Variants in JTB observed in about 807,000 individuals in gnomAD.
JTB encodes protein JTB.
In JTB, 10 loss-of-function variants were observed where a neutral mutation model predicts 22.1. The observed-to-expected ratio is 0.45, with a 90% CI of 0.28 to 0.77. JTB has a LOEUF of 0.77. Among genes scored for constraint, JTB ranks in the 30% least tolerant of loss-of-function variants. The pLI, the probability that JTB is intolerant of heterozygous loss-of-function variation, is 0.13. For synonymous variants in JTB, 83 were observed against 66.8 expected (o/e 1.24, Z -1.18); for missense variants, 137 against 180.3 (o/e 0.76, Z 1.38).
chr1:153,976,360 C>T (rs1477292618), intron 3 of JTB, among the ~76,000 whole-genome samples: 1 of 152,140 alleles, frequency 6.6e-6, no homozygotes, highest in Non-Finnish European at 1.5e-5. Context: ...ACTCAGGAGG[C>T]TGAGGCAGGA....
rs1201187713 is a variant in JTB at position 153,974,391 on chromosome 1, A to C, written c.*288T>G. On this transcript the variant is annotated 3_prime_UTR_variant, in exon 5 of 5. Transcript: ENST00000271843. Reference sequence around the variant, plus strand: ...CCCAGAAGTTTGAAATAAGTAGTAGAAGAGGGGGAAAACAAGGGAGAAGTG... The same window carrying C: ...CCCAGAAGTTTGAAATAAGTAGTAGCAGAGGGGGAAAACAAGGGAGAAGTG... 1 of 419,666 alleles carries C rather than the reference A, an allele frequency of 2.4e-6. No individual in the cohort carries two copies. Among genetic ancestry groups the C allele is most frequent in the African/African-American group, 2.0e-5 (1 of 51,136 alleles). 26.0% of individuals were successfully genotyped at this position (419,666 alleles called of 1,614,324 possible).
At chr1:153,975,616 C>T (rs1303800958) in intron 4 of JTB, among the ~76,000 whole-genome samples, 1 of 152,046 alleles carries the variant, frequency 6.6e-6, no homozygotes, top group South Asian at 2.1e-4. Flanking sequence ...GATGGGGTTT[C>T]ACCACGTTGG....
chr1:153,977,418 T>G lies in JTB; in HGVS notation c.-166A>C. On this transcript the variant is annotated 5_prime_UTR_variant, in exon 1 of 5. Transcript: ENST00000271843. ...TTGGAGCAGAGGATCTATCAGGACG[T>G]CCCCGTTGCCACAGCGAGAAAAATC... is the stretch of plus-strand genomic sequence containing the variant. 7.2e-7 allele frequency: 1 copy of G among 1,381,460 alleles called. No individual in the cohort carries two copies. The highest frequency in any genetic ancestry group is 1.5e-5 in the African/African-American group (1 of 68,214). 85.6% of individuals were successfully genotyped at this position (1,381,460 alleles called of 1,614,324 possible). A position where few individuals can be genotyped will look rare whatever the true frequency, so the allele number is the denominator to read the frequency against.
rs1571123708 is a variant in JTB, at chr1:153,977,094, T to A, written c.83+76A>T. The A allele has an allele frequency of 2.0e-5, 32 of 1,613,690 alleles. No homozygotes were observed. The East Asian group carries it at 6.9e-4, about 35-fold the overall frequency. On this transcript the variant is annotated intron_variant, in intron 1 of 4. Transcript: ENST00000271843. Reference sequence around the variant, plus strand: ...CCTCCTGCGCTGTCCATGGATAAGATCTCCCCCAGCCCCGAGGCCGGGAAC... The same window carrying A: ...CCTCCTGCGCTGTCCATGGATAAGAACTCCCCCAGCCCCGAGGCCGGGAAC...
intron 3 of JTB, 28 bp downstream of exon 3, chr1:153,976,665 A>T (rs1648804680): frequency 6.3e-7 from 1 of 1,575,608 alleles, no homozygotes; most frequent in Non-Finnish European, 8.6e-7. Flanking sequence ...TGTTTAAAAA[A>T]AAAAAGGGTA....
chr1:153,975,920 G>A lies in JTB; in HGVS notation c.205-15C>T. 6.3e-7 allele frequency: 1 copy of A among 1,597,618 alleles called. No individual in the cohort carries two copies. Among genetic ancestry groups the A allele is most frequent in the Non-Finnish European group, 8.6e-7 (1 of 1,165,012 alleles). ...GGGGTAGTTTTCTGCCAGGAGAAAA[G>A]GAGCAAAGTACATGTTAGGAAGGGG... On this transcript the variant is annotated splice_polypyrimidine_tract_variant and intron_variant, in intron 3 of 4. Transcript: ENST00000271843.
intron 4 of JTB, among the ~76,000 whole-genome samples, chr1:153,975,453 C>T (rs1268498571): frequency 7.1e-6 from 1 of 140,938 alleles, no homozygotes; most frequent in Non-Finnish European, 1.5e-5. Flanking sequence ...CACACAGTCT[C>T]GCTCCATTGC....
intron 1 of JTB, 54 bp downstream of exon 1, chr1:153,977,116 G>T: frequency 6.2e-7 from 1 of 1,613,812 alleles, no homozygotes; most frequent in Non-Finnish European, 8.5e-7. Context: ...CCGAGGCCGG[G>T]AACGATCCTG....
chr1:153,977,606 G>C lies in JTB; in HGVS notation c.-354C>G, dbSNP rs1218445442. On this transcript the variant is annotated 5_prime_UTR_variant, in exon 1 of 5. Transcript: ENST00000271843. ...GGAGGATCCTCGGGCGCGGGACCGA[G>C]CTCGGGGCCCGGTGTTCCCGGGGGC... The C allele has an allele frequency of 2.9e-6, 3 of 1,026,228 alleles. No homozygotes were observed. Among genetic ancestry groups the C allele is most frequent in the Admixed American group, 5.7e-5 (1 of 17,424 alleles). The allele number at this position is 1,026,228 out of a possible 1,614,324, so 63.6% of individuals were successfully genotyped here.
intron 3 of JTB, among the ~76,000 whole-genome samples, chr1:153,976,171 T>C (rs1264287087): frequency 2.0e-5 from 3 of 152,074 alleles, no homozygotes; most frequent in Non-Finnish European, 2.9e-5. Flanking sequence ...GAATAAAACA[T>C]AGTTATTTGA....
chr1:153,977,088 A>G lies in JTB; in HGVS notation c.84-75T>C, dbSNP rs1021873088. The G allele has an allele frequency of 6.2e-6, 10 of 1,613,956 alleles. No homozygotes were observed. In the African/African-American group the frequency reaches 1.1e-4, roughly 17 times the overall value. On this transcript the variant is annotated intron_variant, in intron 1 of 4. Coordinates refer to ENST00000271843, the MANE Select transcript of JTB (RefSeq NM_006694.4). Reference sequence around the variant, plus strand: ...GCACCCCCTCCTGCGCTGTCCATGGATAAGATCTCCCCCAGCCCCGAGGCC... The same window carrying G: ...GCACCCCCTCCTGCGCTGTCCATGGGTAAGATCTCCCCCAGCCCCGAGGCC...
chr1:153,976,911 A>G (rs1557889390), intron 2 of JTB, 65 bp downstream of exon 2: 1 of 1,585,410 alleles, frequency 6.3e-7, no homozygotes. Flanking sequence ...CTCTTGGTAT[A>G]TGGGGAAGAT....
intron 4 of JTB, among the ~76,000 whole-genome samples, chr1:153,975,351 C>G (rs1368509911): frequency 1.3e-5 from 2 of 151,722 alleles, no homozygotes; most frequent in Non-Finnish European, 2.9e-5. Flanking sequence ...GAACTCCTAA[C>G]CTCGTGATCC....
chr1:153,974,717 C>T lies in JTB; in HGVS notation c.403G>A (p.Ala135Thr). The change falls in exon 5 of 5, where the codon GCT (alanine) becomes ACT (threonine). Residue 135 changes from alanine to threonine, a missense_variant. By Grantham distance (58) the Ala-to-Thr change is moderately conservative. Coordinates refer to ENST00000271843, the MANE Select transcript of JTB (RefSeq NM_006694.4). ...IIRQRQLDRK[A>T]LEKVRKQIES... Reference sequence around the variant, plus strand: ...ATTTGCTTCCGGACCTTTTCCAGAGCCTTTCTGTCCAATTGTCGCTGACGA... The same window carrying T: ...ATTTGCTTCCGGACCTTTTCCAGAGTCTTTCTGTCCAATTGTCGCTGACGA... The T allele has an allele frequency of 6.2e-7, 1 of 1,613,644 alleles. No individual in the cohort carries two copies. The highest frequency in any genetic ancestry group is 1.1e-5 in the South Asian group (1 of 91,054).
chr1:153,977,283 G>C lies in JTB; in HGVS notation c.-31C>G, dbSNP rs754411383. The C allele has an allele frequency of 2.5e-6, 4 of 1,612,314 alleles. No individual in the cohort carries two copies. The highest frequency in any genetic ancestry group is 1.3e-5 in the African/African-American group (1 of 75,038). On this transcript the variant is annotated 5_prime_UTR_variant, in exon 1 of 5. Coordinates refer to ENST00000271843, the MANE Select transcript of JTB (RefSeq NM_006694.4). ...GCCAAGTGTCGCACCTGTCGGAACA[G>C]AGGGACCTACTCCACAGGCCTCGTG...
chr1:153,976,980 C>T lies in JTB; in HGVS notation c.117G>A (p.Leu39=). Residue 39 remains leucine (L), a synonymous_variant, in exon 2 of 5, where the codon CTG becomes CTA. Coordinates refer to ENST00000271843, the MANE Select transcript of JTB (RefSeq NM_006694.4). ...QAEAPVQEEK[L]SASTSNLPCW... ...GGTTCCCAGACAATCACCCACCTGA[C>T]AGCTTCTCTTCCTGCACGGGAGCCT... The T allele has an allele frequency of 6.2e-7, 1 of 1,614,164 alleles. No individual in the cohort carries two copies. Among genetic ancestry groups the T allele is most frequent in the Non-Finnish European group, 8.5e-7 (1 of 1,180,038 alleles).
chr1:153,977,264 T>A lies in JTB; in HGVS notation c.-12A>T, dbSNP rs1353772482. On this transcript the variant is annotated 5_prime_UTR_variant, in exon 1 of 5. Coordinates refer to ENST00000271843, the MANE Select transcript of JTB (RefSeq NM_006694.4). ...GCACCCGCAAGCATGGAGCGCCAAGTGTCGCACCTGTCGGAACAGAGGGAC... is the reference window on the plus strand; with the variant it reads ...GCACCCGCAAGCATGGAGCGCCAAGAGTCGCACCTGTCGGAACAGAGGGAC... The A allele has an allele frequency of 6.2e-7, 1 of 1,613,480 alleles. No homozygotes were observed. The highest frequency in any genetic ancestry group is 1.3e-5 in the African/African-American group (1 of 74,932).
chr1:153,974,514 CAT>C lies in JTB; in HGVS notation c.*163_*164del. On this transcript the variant is annotated 3_prime_UTR_variant, in exon 5 of 5. Coordinates refer to ENST00000271843, the MANE Select transcript of JTB (RefSeq NM_006694.4). The stretch of plus-strand genomic sequence containing the variant: ...TCCAAGTTACAGAAGGGAAGGAAAC[CAT>C]TTTACTCTTTTTATTCTGCTCATTA... 1 of 556,184 alleles carries C rather than the reference CAT, an allele frequency of 1.8e-6. No individual in the cohort carries two copies. The highest frequency in any genetic ancestry group is 3.0e-6 in the Non-Finnish European group (1 of 329,736). The allele number at this position is 556,184 out of a possible 1,614,324, so 34.5% of individuals were successfully genotyped here.
rs1648805685 is a variant in JTB at position 153,976,708 on chromosome 1, G to A, written c.189C>T (p.Cys63=). The change falls in exon 3 of 5, where the codon TGC becomes TGT. Residue 63 remains cysteine, a synonymous_variant. Transcript: ENST00000271843. The part of the protein sequence containing the change: ...EFVVAEECSP[C]SNFRAKTTPE... ...AGATACTCACAGCCCGGAAATTAGAGCATGGAGAGCACTCTTCTGCTACCA... is the reference window on the plus strand; with the variant it reads ...AGATACTCACAGCCCGGAAATTAGAACATGGAGAGCACTCTTCTGCTACCA... 1.9e-6 allele frequency: 3 copies of A among 1,613,782 alleles called. No individual in the cohort carries two copies. Among genetic ancestry groups the A allele is most frequent in the Non-Finnish European group, 2.5e-6 (3 of 1,179,848 alleles).
Sources: allele counts gnomAD v4.1 joint callset (sites outside exome capture counted in the v4.1 genomes callset), GRCh38; gene constraint gnomAD v4.1.1; transcripts MANE v1.5; gene names NCBI Gene and HGNC (gene_info 2026-07-23, HGNC 2026-07-21).